The following PLCXD1 variants were observed in gnomAD, a reference collection of about 807,000 sequenced individuals.
The protein encoded by PLCXD1 is phosphatidylinositol specific phospholipase C X domain containing 1.
Under a neutral mutation model 37.8 loss-of-function variants are expected in PLCXD1, and 45 were observed. That is an observed-to-expected ratio of 1.19 (90% confidence interval 0.94 to 1.53). PLCXD1 has a LOEUF of 1.53. Among genes scored for constraint, PLCXD1 ranks in the 40% most tolerant of loss-of-function variants. The pLI, the probability that PLCXD1 is intolerant of heterozygous loss-of-function variation, is 0.00. For synonymous variants in PLCXD1, 246 were observed against 206.9 expected (o/e 1.19, Z -1.62); for missense variants, 539 against 454.7 (o/e 1.19, Z -1.69).
rs748301938 is a variant in PLCXD1 at position 284,161 on chromosome X, C to A, written c.-21-6C>A. ...AAAAACCTCTTTTCCTCTTCTCCTT[C>A]CTCAGGTTGCCCAGGGCTCACCTCT... is the stretch of plus-strand genomic sequence containing the variant. On this transcript the variant is annotated splice_region_variant and splice_polypyrimidine_tract_variant and intron_variant, in intron 1 of 6. Transcript: ENST00000381657. The A allele has an allele frequency of 6.2e-7, 1 of 1,611,944 alleles. No homozygotes were observed. Among genetic ancestry groups the A allele is most frequent in the South Asian group, 1.1e-5 (1 of 90,992 alleles).
In PLCXD1 at chrX:291,650, G is replaced by A. The variant is rs770092998; in HGVS notation, c.545G>A (p.Arg182His). Residue 182 changes from arginine (R) to histidine (H), a missense_variant, in exon 5 of 7, where the codon CGT becomes CAT. Arg to His is a conservative substitution (Grantham distance 29, BLOSUM62 0). Coordinates refer to ENST00000381657, the MANE Select transcript of PLCXD1 (RefSeq NM_018390.4). The stretch of plus-strand genomic sequence containing the variant: ...ATCTTCGGGGACATGCTGTGTCCTC[G>A]TGGGGTGAGGAGGGGAAGGATATCC... ...KNIFGDMLCP[R>H]GEVPTLRQLW... 1.1e-5 allele frequency: 18 copies of A among 1,612,300 alleles called. No homozygotes were observed. The highest frequency in any genetic ancestry group is 2.0e-4 in the Middle Eastern group (1 of 4,890).
At position 293,233 on chromosome X, in the gene PLCXD1, C is replaced by T. The variant is rs779402690; in HGVS notation, c.733+15C>T. On this transcript the variant is annotated intron_variant, in intron 6 of 6. Transcript: ENST00000381657. Reference sequence around the variant, plus strand: ...CGGCCGCCCAGGTACCAGGTCGCCCCTCGTGGGGGTAGATTCCACACAGCC... The same window carrying T: ...CGGCCGCCCAGGTACCAGGTCGCCCTTCGTGGGGGTAGATTCCACACAGCC... 26 of 1,601,760 alleles carry T rather than the reference C, an allele frequency of 1.6e-5. No homozygotes were observed. The highest frequency in any genetic ancestry group is 4.0e-5 in the African/African-American group (3 of 74,820).
In PLCXD1 at chrX:289,510, C is replaced by CTTTTTTTTTTTT. The variant is rs1281823641; in HGVS notation, c.264+646_264+647insTTTTTTTTTTTT. Among the ~76,000 whole-genome samples the CTTTTTTTTTTTT allele has an allele frequency of 7.2e-5, 7 of 97,786 alleles. 1 individual carries two copies. Among genetic ancestry groups the CTTTTTTTTTTTT allele is most frequent in the South Asian group, 2.6e-4 (1 of 3,834 alleles). The allele number at this position is 97,786 out of a possible 152,430, so 64.2% of individuals were successfully genotyped here. ...AGAGACAACACCTTTCTTTTTCTTT[C>CTTTTTTTTTTTT]TTTTTCTTTTTTTTTTTTTTGAGAC... On this transcript the variant is annotated intron_variant, in intron 3 of 6. Transcript: ENST00000381657.
At chrX:295,118 G>A (rs1192738023) in intron 6 of PLCXD1, among the ~76,000 whole-genome samples, 1 of 149,132 alleles carries the variant, frequency 6.7e-6, no homozygotes, top group Non-Finnish European at 1.5e-5. Context: ...GCCGTGAGCC[G>A]AAATCGCGCC....
At chrX:296,413 G>A (rs1276347495) in intron 6 of PLCXD1, among the ~76,000 whole-genome samples, 4 of 152,242 alleles carry the variant, frequency 2.6e-5, no homozygotes, top group East Asian at 1.9e-4. Flanking sequence ...ATGAGCCACC[G>A]TGCCCAGCCT....
chrX:294,856 C>T (rs1347042598), intron 6 of PLCXD1, among the ~76,000 whole-genome samples: 2 of 150,896 alleles, frequency 1.3e-5, no homozygotes, highest in Non-Finnish European at 2.9e-5. Flanking sequence ...CTGCTTGAAC[C>T]ACCATTCCCA....
chrX:290,562 C>A, intron 3 of PLCXD1, 86 bp from the exon 4 acceptor site: 2 of 1,441,798 alleles, frequency 1.4e-6, no homozygotes, highest in Admixed American at 1.8e-5. Context: ...GCAGGACATG[C>A]GGGTGGGCCA....
rs1343746272 is a variant in PLCXD1 at position 290,170 on chromosome X, G to A, written c.265-478G>A. Reference sequence around the variant, plus strand: ...AGGCCGGGCGCGGTGGCTCACGCCTGTAATCCCAGCACTTTGGGAGGCCAA... The same window carrying A: ...AGGCCGGGCGCGGTGGCTCACGCCTATAATCCCAGCACTTTGGGAGGCCAA... On this transcript the variant is annotated intron_variant, in intron 3 of 6. Transcript: ENST00000381657. 6.6e-5 allele frequency among the ~76,000 whole-genome samples: 10 copies of A among 152,160 alleles called. 1 individual carries two copies. The South Asian group carries it at 1.2e-3, about 19-fold the overall frequency.
Position 287,728 on chromosome X carries a change from C to CATATATATCTTAAAT in PLCXD1, c.128-986_128-972dup, listed in dbSNP as rs199998889. Among the ~76,000 whole-genome samples the CATATATATCTTAAAT allele has an allele frequency of 4.5e-3, 652 of 144,406 alleles. 3 individuals are homozygous for CATATATATCTTAAAT. Among genetic ancestry groups the CATATATATCTTAAAT allele is most frequent in the Admixed American group, 9.3e-3 (132 of 14,260 alleles). The allele number at this position is 144,406 out of a possible 152,430, so 94.7% of individuals were successfully genotyped here. ...TATATGTTTATATATAGATATATGTCATATATATCTTAAATATATATATCT... is the reference window on the plus strand; with the variant it reads ...TATATGTTTATATATAGATATATGTCATATATATCTTAAATATATATATCTTAAATATATATATCT... On this transcript the variant is annotated intron_variant, in intron 2 of 6. Transcript: ENST00000381657.
At chrX:288,179 T>C (rs1394301998) in intron 2 of PLCXD1, among the ~76,000 whole-genome samples, 1 of 151,960 alleles carries the variant, frequency 6.6e-6, no homozygotes, top group South Asian at 2.1e-4. Context: ...TTGAGCATTT[T>C]GAGAGCATGT....
rs752285105 is a variant in PLCXD1, at chrX:290,668, G to C, written c.285G>C (p.Gln95His). Residue 95 changes from glutamine (Q) to histidine (H), a missense_variant, in exon 4 of 7, where the codon CAG becomes CAC. Physicochemically the swap from Gln to His is conservative, Grantham distance 24. Coordinates refer to ENST00000381657, the MANE Select transcript of PLCXD1 (RefSeq NM_018390.4). ...CACAGGCACTGGACGTCACAGAGCA[G>C]CTGGATGCCGGGGTGCGGTACCTGG... The part of the protein sequence containing the change: ...SVTQALDVTE[Q>H]LDAGVRYLDL... 9 of 1,613,864 alleles carry C rather than the reference G, an allele frequency of 5.6e-6. No individual in the cohort carries two copies. The South Asian group carries it at 6.6e-5, about 12-fold the overall frequency.
rs145180199 is a variant in PLCXD1 at position 286,943 on chromosome X, C to T, written c.128-1790C>T. Among the ~76,000 whole-genome samples the T allele has an allele frequency of 4.8e-3, 726 of 151,712 alleles. 4 individuals carry two copies. Among genetic ancestry groups the T allele is most frequent in the Non-Finnish European group, 7.8e-3 (531 of 67,942 alleles). On this transcript the variant is annotated intron_variant, in intron 2 of 6. Transcript: ENST00000381657. ...TCGGGGGAGCAGGTGACTGTGGCTT[C>T]GTTCCAATGCCTCTCGGGGTCTGGG...
In PLCXD1 at chrX:299,186, C is replaced by T. The variant is rs756902248; in HGVS notation, c.823C>T (p.Pro275Ser). The change falls in exon 7 of 7, where the codon CCC (proline) becomes TCC (serine). Residue 275 changes from proline (P) to serine (S), a missense_variant. Pro to Ser is a moderately conservative substitution (Grantham distance 74). Coordinates refer to ENST00000381657, the MANE Select transcript of PLCXD1 (RefSeq NM_018390.4). ...CGAGTCCCTGGAGAAGATGACGCTG[C>T]CCAACCTTCCGCGGCTGAGCGCGTG... is the stretch of plus-strand genomic sequence containing the variant. ...PSESLEKMTL[P>S]NLPRLSAWVR... The T allele has an allele frequency of 3.1e-6, 5 of 1,613,918 alleles. No homozygotes were observed. Among genetic ancestry groups the T allele is most frequent in the Non-Finnish European group, 4.2e-6 (5 of 1,179,846 alleles).
rs748269565 is a variant in PLCXD1, at chrX:295,772, C to T, written c.733+2554C>T. The stretch of plus-strand genomic sequence containing the variant: ...TCGAACTCCTGACCTCATGATCTGC[C>T]CGTCTCAGTCTCCCAAAGTGCTGGG... On this transcript the variant is annotated intron_variant, in intron 6 of 6. Transcript: ENST00000381657. 1.6e-3 allele frequency among the ~76,000 whole-genome samples: 238 copies of T among 151,976 alleles called. 3 individuals are homozygous for T. Among genetic ancestry groups the T allele is most frequent in the African/African-American group, 5.5e-3 (228 of 41,458 alleles).
rs1569564419 is a variant in PLCXD1 at position 285,345 on chromosome X, C to CTGCGGGT, written c.127+1031_127+1032insTGCGGGT. Among the ~76,000 whole-genome samples the CTGCGGGT allele has an allele frequency of 1.8e-4, 23 of 127,700 alleles. 1 individual carries two copies. Among genetic ancestry groups the CTGCGGGT allele is most frequent in the African/African-American group, 7.8e-4 (23 of 29,340 alleles). 83.8% of individuals were successfully genotyped at this position (127,700 alleles called of 152,430 possible). A position where few individuals can be genotyped will look rare whatever the true frequency, so the allele number is the denominator to read the frequency against. ...GGGTGTGTACACATGCACATGCACA[C>CTGCGGGT]GTGTACACATGTACACACATGCACA... On this transcript the variant is annotated intron_variant, in intron 2 of 6. Coordinates refer to ENST00000381657, the MANE Select transcript of PLCXD1 (RefSeq NM_018390.4).
chrX:294,148 G>A (rs1380080465), intron 6 of PLCXD1, among the ~76,000 whole-genome samples: 1 of 151,804 alleles, frequency 6.6e-6, no homozygotes, highest in Middle Eastern at 3.2e-3. Context: ...GACCAGCCTG[G>A]CCAACATGGC....
upstream of PLCXD1, among the ~76,000 whole-genome samples, chrX:278,766 G>T (rs67511112): frequency 6.8e-6 from 1 of 146,352 alleles, no homozygotes; most frequent in Admixed American, 7.0e-5. Context: ...AGTGTGTTTT[G>T]CTAAGGTTGA....
chrX:282,254 C>G (rs1478704156), intron 1 of PLCXD1, among the ~76,000 whole-genome samples: 1 of 152,072 alleles, frequency 6.6e-6, no homozygotes, highest in Non-Finnish European at 1.5e-5. Flanking sequence ...TGGTGGCGGA[C>G]GCCTGTAATC....
At chrX:288,357 C>T (rs2069522028) in intron 2 of PLCXD1, among the ~76,000 whole-genome samples, 2 of 151,516 alleles carry the variant, frequency 1.3e-5, no homozygotes, top group African/African-American at 2.4e-5. Context: ...CTCCTGGGGG[C>T]TCCAGGCATC....
Sources: allele counts gnomAD v4.1 joint callset (sites outside exome capture counted in the v4.1 genomes callset), GRCh38; gene constraint gnomAD v4.1.1; transcripts MANE v1.5; gene names NCBI Gene and HGNC (gene_info 2026-07-23, HGNC 2026-07-21).